The following HPSE2 variants were observed in gnomAD, a reference collection of about 807,000 sequenced individuals.
The protein encoded by HPSE2 is inactive heparanase-2.
In HPSE2, 38 loss-of-function variants were observed where a neutral mutation model predicts 60.5. That is an observed-to-expected ratio of 0.63 (90% CI 0.48 to 0.82). HPSE2 has a LOEUF of 0.82. Ranked by LOEUF, HPSE2 falls within the 40% of genes least tolerant of loss-of-function variation. The pLI, the probability that HPSE2 is intolerant of heterozygous loss-of-function variation, is 0.00. For missense variants in HPSE2, 713 were observed against 740.4 expected (o/e 0.96, Z 0.43); for synonymous variants, 295 against 293.2 (o/e 1.01, Z -0.06).
chr10:99,082,210 C>A (rs1843168920), intron 3 of HPSE2, among the ~76,000 whole-genome samples: 1 of 152,126 alleles, frequency 6.6e-6, no homozygotes, highest in Non-Finnish European at 1.5e-5. Context: ...GAAAACTTCA[C>A]CCTAACCCTA....
chr10:98,779,470 T>C (rs1293266295), intron 3 of HPSE2, among the ~76,000 whole-genome samples: 1 of 152,062 alleles, frequency 6.6e-6, no homozygotes, highest in African/African-American at 2.4e-5. Context: ...TTTCCACAAT[T>C]TCACCCCTTT....
chr10:99,154,888 A>C (rs1258646147), intron 2 of HPSE2, among the ~76,000 whole-genome samples: 1 of 152,178 alleles, frequency 6.6e-6, no homozygotes, highest in East Asian at 1.9e-4. Flanking sequence ...CATAGGCTCA[A>C]AATAAAGGGA....
intron 3 of HPSE2, among the ~76,000 whole-genome samples, chr10:99,028,209 T>C (rs534089220): frequency 1.3e-5 from 2 of 152,328 alleles, no homozygotes; most frequent in African/African-American, 2.4e-5. Context: ...TCAAGTTATA[T>C]TTGTTTGCAG....
At position 99,086,860 on chromosome 10, in the gene HPSE2, C is replaced by T. The variant is rs114458832; in HGVS notation, c.610+57378G>A. Among the ~76,000 whole-genome samples, 115 of 152,302 alleles carry T rather than the reference C, an allele frequency of 7.6e-4. 1 individual carries two copies. Among genetic ancestry groups the T allele is most frequent in the African/African-American group, 2.7e-3 (112 of 41,566 alleles). ...CTTCTGAGGATTGACAAGAGCTTGACCTCCATCCAACTCCCAAATCAGATA... is the reference window on the plus strand; with the variant it reads ...CTTCTGAGGATTGACAAGAGCTTGATCTCCATCCAACTCCCAAATCAGATA... On this transcript the variant is annotated intron_variant, in intron 3 of 11. Coordinates refer to ENST00000370552, the MANE Select transcript of HPSE2 (RefSeq NM_021828.5).
the HPSE2 span, among the ~76,000 whole-genome samples, chr10:99,309,335 T>C: frequency 0.86 from 130,540 of 152,214 alleles, 56,365 homozygotes; most frequent in African/African-American, 0.93. Context: ...TTTTATATTA[T>C]GTGGAATATA....
At chr10:99,047,960 A>C (rs1280506810) in intron 3 of HPSE2, 8 of 730,928 alleles carry the variant, frequency 1.1e-5, no homozygotes, top group Non-Finnish European at 1.7e-5. Context: ...GGTCCGAAAG[A>C]TGTTTCCGTT....
intron 3 of HPSE2, among the ~76,000 whole-genome samples, chr10:98,886,175 T>C (rs1564633046): frequency 6.6e-6 from 1 of 152,092 alleles, no homozygotes; most frequent in Non-Finnish European, 1.5e-5. Context: ...ATTTTTGCCA[T>C]AAATTCTCAT....
chr10:98,907,245 T>G (rs999707467), intron 3 of HPSE2, among the ~76,000 whole-genome samples: 25 of 152,164 alleles, frequency 1.6e-4, no homozygotes, highest in Non-Finnish European at 2.9e-5. Flanking sequence ...TAGAGTCTTT[T>G]TGGGGCCTCT....
intron 3 of HPSE2, among the ~76,000 whole-genome samples, chr10:98,946,680 C>A (rs1321834758): frequency 6.6e-6 from 1 of 151,878 alleles, no homozygotes; most frequent in Non-Finnish European, 1.5e-5. Flanking sequence ...AAAGTATGCA[C>A]ACAAACACTT....
chr10:99,167,747 A>G (rs1212667560), intron 2 of HPSE2, among the ~76,000 whole-genome samples: 1 of 152,120 alleles, frequency 6.6e-6, no homozygotes, highest in Non-Finnish European at 1.5e-5. Flanking sequence ...ATGTCCATAT[A>G]TTCATACACA....
At chr10:98,828,978 A>T (rs1482879092) in intron 3 of HPSE2, among the ~76,000 whole-genome samples, 1 of 5,730 alleles carries the variant, frequency 1.7e-4, no homozygotes, top group East Asian at 1.5e-3. Flanking sequence ...TGAATGAATT[A>T]AAAAAAAATG....
At chr10:99,077,578 A>ATG (rs947737031) in intron 3 of HPSE2, among the ~76,000 whole-genome samples, 1 of 151,646 alleles carries the variant, frequency 6.6e-6, no homozygotes, top group Non-Finnish European at 1.5e-5. Context: ...GTGTGAGTGT[A>ATG]TGTGTGTGTA....
chr10:98,632,638 A>G (rs963528729), intron 7 of HPSE2, among the ~76,000 whole-genome samples: 2 of 152,184 alleles, frequency 1.3e-5, no homozygotes, highest in Admixed American at 6.5e-5. Flanking sequence ...GTGGGGTCAC[A>G]GAGGCTAATT....
intron 6 of HPSE2, among the ~76,000 whole-genome samples, chr10:98,679,736 A>G (rs553949): frequency 0.37 from 55,834 of 151,980 alleles, 10,464 homozygotes; most frequent in Admixed American, 0.42. Flanking sequence ...GTTGCCCAGG[A>G]TGGAGTGCAG....
intron 3 of HPSE2, among the ~76,000 whole-genome samples, chr10:98,808,934 A>T (rs946360394): frequency 2.6e-5 from 4 of 152,150 alleles, no homozygotes; most frequent in African/African-American, 9.6e-5. Context: ...ATCTCTAATG[A>T]CTGGCTTCTA....
intron 3 of HPSE2, among the ~76,000 whole-genome samples, chr10:98,966,647 C>G (rs1314270279): frequency 6.6e-6 from 1 of 152,112 alleles, no homozygotes; most frequent in Non-Finnish European, 1.5e-5. Context: ...GTGACGCGCC[C>G]CCTCAACTCA....
At chr10:98,528,752 T>G (rs573414427) in intron 9 of HPSE2, among the ~76,000 whole-genome samples, 1 of 152,326 alleles carries the variant, frequency 6.6e-6, no homozygotes, top group East Asian at 1.9e-4. Flanking sequence ...TGTGCATTCA[T>G]TAGAACATGG....
chr10:98,929,981 C>CT (rs1186878243), intron 3 of HPSE2, among the ~76,000 whole-genome samples: 1 of 143,270 alleles, frequency 7.0e-6, no homozygotes, highest in Non-Finnish European at 1.5e-5. Context: ...TATATGAGTG[C>CT]TTTTTTAAAA....
chr10:98,946,975 T>C (rs1317045204), intron 3 of HPSE2, among the ~76,000 whole-genome samples: 1 of 150,954 alleles, frequency 6.6e-6, no homozygotes, highest in Non-Finnish European at 1.5e-5. Flanking sequence ...CATGTTAAAG[T>C]GCAATACCAG....
Sources: gnomAD v4.1 joint callset for allele counts (sites outside exome capture counted in the v4.1 genomes callset) on GRCh38, gnomAD v4.1.1 for gene constraint, MANE v1.5 for transcripts, NCBI Gene and HGNC (gene_info 2026-07-23, HGNC 2026-07-21) for gene names.